The following CHCHD4 variants were observed in gnomAD, a reference collection of about 807,000 sequenced individuals.
The protein encoded by CHCHD4 is coiled-coil-helix-coiled-coil-helix domain containing 4, also known as mitochondrial intermembrane space import and assembly protein 40.
A neutral mutation model predicts 12.4 loss-of-function variants in CHCHD4; 7 were observed. The ratio of observed to expected loss-of-function variants is 0.57; its 90% CI spans 0.32 to 1.06. The LOEUF (loss-of-function observed/expected upper bound fraction) is 1.06, where lower values mean the gene tolerates loss of function less well. Ranked by LOEUF, CHCHD4 falls within the 50% of genes least tolerant of loss-of-function variation. The pLI is 0.04. For synonymous variants in CHCHD4, 56 were observed against 58.0 expected, an observed-to-expected ratio of 0.97 and a Z score of 0.16; for missense variants, 143 against 175.1, an observed-to-expected ratio of 0.82 and a Z score of 1.03.
Position 14,113,183 on chromosome 3 carries a change from G to A in CHCHD4, c.133C>T (p.Pro45Ser). ...DPYEEHGLIL[P>S]NGNINWNCPC... Reference sequence around the variant, plus strand: ...CAGTTCCAGTTAATGTTTCCATTTGGCAGTATCAATCCTAGAACAGGAAGA... The same window carrying A: ...CAGTTCCAGTTAATGTTTCCATTTGACAGTATCAATCCTAGAACAGGAAGA... The change falls in exon 3 of 3, where the codon CCA becomes TCA. Residue 45 changes from proline to serine, a missense_variant. By Grantham distance (74) the Pro-to-Ser change is moderately conservative. Transcript: ENST00000396914. 1.2e-6 allele frequency: 2 copies of A among 1,608,102 alleles called. No individual in the cohort carries two copies. Among genetic ancestry groups the A allele is most frequent in the Non-Finnish European group, 1.7e-6 (2 of 1,176,744 alleles).
chr3:14,115,381 C>A (rs189292694), intron 2 of CHCHD4, among the ~76,000 whole-genome samples: 1 of 137,306 alleles, frequency 7.3e-6, no homozygotes, highest in South Asian at 2.1e-4. Flanking sequence ...AAACAAGGCC[C>A]GATTTGTCCT....
At chr3:14,121,253 G>C (rs1304162967) in intron 1 of CHCHD4, among the ~76,000 whole-genome samples, 1 of 152,190 alleles carries the variant, frequency 6.6e-6, no homozygotes, top group African/African-American at 2.4e-5. Flanking sequence ...CTGGCTGCTT[G>C]TAGTTAGAAG....
In CHCHD4 at chr3:14,112,942, T is replaced by G; in HGVS notation, c.374A>C (p.Glu125Ala). ...AGTGGCCTCAATGGGAGCTGTTTCTTCTGCTTGTTCTGCTGGCTTCTTCTC... is the reference window on the plus strand; with the variant it reads ...AGTGGCCTCAATGGGAGCTGTTTCTGCTGCTTGTTCTGCTGGCTTCTTCTC... ...EREKKPAEQA[E>A]ETAPIEATAT... Residue 125 changes from glutamate (E) to alanine (A), a missense_variant, in exon 3 of 3, where the codon GAA (glutamate) becomes GCA (alanine). By Grantham distance (107) the Glu-to-Ala change is moderately radical. Transcript: ENST00000396914. 2 of 1,612,706 alleles carry G rather than the reference T, an allele frequency of 1.2e-6. No individual in the cohort carries two copies. The highest frequency in any genetic ancestry group is 1.7e-6 in the Non-Finnish European group (2 of 1,179,462).
At position 14,112,568 on chromosome 3, in the gene CHCHD4, A is replaced by G. The variant is rs746085796; in HGVS notation, c.*319T>C. ...ATCAGAATAAATCAGCTCACTCACA[A>G]GAAACGTTCTTGGGTAATGGTTTTT... is the stretch of plus-strand genomic sequence containing the variant. On this transcript the variant is annotated 3_prime_UTR_variant, in exon 3 of 3. Coordinates refer to ENST00000396914, the MANE Select transcript of CHCHD4 (RefSeq NM_001098502.2). 3.6e-5 allele frequency: 9 copies of G among 249,822 alleles called. No homozygotes were observed. Among genetic ancestry groups the G allele is most frequent in the Middle Eastern group, 1.2e-3 (1 of 824 alleles). The allele number at this position is 249,822 out of a possible 1,614,324, so 15.5% of individuals were successfully genotyped here.
At chr3:14,122,909 G>A (rs1694952061) in intron 1 of CHCHD4, among the ~76,000 whole-genome samples, 1 of 152,174 alleles carries the variant, frequency 6.6e-6, no homozygotes, top group South Asian at 2.1e-4. Context: ...AGAGGCTAGA[G>A]GCTGGGCAGC....
At chr3:14,123,391 C>T (rs1167214001) in intron 1 of CHCHD4, among the ~76,000 whole-genome samples, 1 of 152,202 alleles carries the variant, frequency 6.6e-6, no homozygotes, top group Non-Finnish European at 1.5e-5. Context: ...GCTTATGGCA[C>T]ACATTAAGTA....
chr3:14,116,240 G>C (rs1694874721), intron 2 of CHCHD4, among the ~76,000 whole-genome samples, 186 bp downstream of exon 2: 1 of 152,202 alleles, frequency 6.6e-6, no homozygotes, highest in Non-Finnish European at 1.5e-5. Flanking sequence ...ATCAGAACAA[G>C]GCTGGAAAGC....
At position 14,112,998 on chromosome 3, in the gene CHCHD4, G is replaced by A. The variant is rs1311076886; in HGVS notation, c.318C>T (p.Pro106=). ...CCTCTTCCTCATCCTCATCCTCTTGGGGATAGAGGTCTGGGTATTTCTGCA... is the reference window on the plus strand; with the variant it reads ...CCTCTTCCTCATCCTCATCCTCTTGAGGATAGAGGTCTGGGTATTTCTGCA... The part of the protein sequence containing the change: ...ECMQKYPDLY[P]QEDEDEEEER... The change falls in exon 3 of 3, where the codon CCC becomes CCT. Residue 106 remains proline (P), a synonymous_variant. Coordinates refer to ENST00000396914, the MANE Select transcript of CHCHD4 (RefSeq NM_001098502.2). 4 of 1,613,430 alleles carry A rather than the reference G, an allele frequency of 2.5e-6. No individual in the cohort carries two copies. The highest frequency in any genetic ancestry group is 3.4e-6 in the Non-Finnish European group (4 of 1,179,772).
chr3:14,121,146 T>C (rs1005475981), intron 1 of CHCHD4, among the ~76,000 whole-genome samples: 1 of 152,160 alleles, frequency 6.6e-6, no homozygotes, highest in Admixed American at 6.5e-5. Flanking sequence ...CTGGGGCCCA[T>C]TGTATGAGGG....
chr3:14,124,463 C>A (rs3733169), intron 1 of CHCHD4, among the ~76,000 whole-genome samples, 192 bp downstream of exon 1: 137 of 151,924 alleles, frequency 9.0e-4, no homozygotes, highest in Non-Finnish European at 1.8e-4. Context: ...CCGTTCCCCC[C>A]AGAGCTTCGG....
At chr3:14,117,951 G>A (rs1694893394) in intron 1 of CHCHD4, among the ~76,000 whole-genome samples, 1 of 152,190 alleles carries the variant, frequency 6.6e-6, no homozygotes, top group African/African-American at 2.4e-5. Flanking sequence ...CTGAGAGCTT[G>A]TGCACCTTGG....
chr3:14,123,136 T>C (rs1448239210), intron 1 of CHCHD4, among the ~76,000 whole-genome samples: 1 of 150,314 alleles, frequency 6.7e-6, no homozygotes, highest in Non-Finnish European at 1.5e-5. Flanking sequence ...CTTTCAATTC[T>C]CACTCCTCTC....
At chr3:14,116,318 T>C (rs934363072) in intron 2 of CHCHD4, 108 bp downstream of exon 2, 41 of 799,808 alleles carry the variant, frequency 5.1e-5, no homozygotes, top group Non-Finnish European at 7.7e-5. Context: ...TGAGAATAGA[T>C]ACCTGAAAAC....
In CHCHD4 at chr3:14,113,205, A is replaced by G; in HGVS notation, c.122-11T>C. 4.4e-6 allele frequency: 7 copies of G among 1,587,710 alleles called. No homozygotes were observed. The highest frequency in any genetic ancestry group is 6.0e-6 in the Non-Finnish European group (7 of 1,165,110). On this transcript the variant is annotated splice_polypyrimidine_tract_variant and intron_variant, in intron 2 of 2. Coordinates refer to ENST00000396914, the MANE Select transcript of CHCHD4 (RefSeq NM_001098502.2). ...TTGGCAGTATCAATCCTAGAACAGG[A>G]AGATAGAGAGATGTTCTCTAAAGTT...
At chr3:14,120,525 G>A (rs1694922527) in intron 1 of CHCHD4, among the ~76,000 whole-genome samples, 1 of 152,042 alleles carries the variant, frequency 6.6e-6, no homozygotes, top group African/African-American at 2.4e-5. Context: ...TTCACCTCCT[G>A]CTCAGATGCC....
intron 1 of CHCHD4, among the ~76,000 whole-genome samples, chr3:14,118,482 AGGAC>A (rs1379371146): frequency 1.3e-5 from 2 of 152,248 alleles, no homozygotes; most frequent in Non-Finnish European, 2.9e-5. Flanking sequence ...TCCAGTGAGA[AGGAC>A]AGTTCAGGGG....
chr3:14,116,869 G>A (rs1400859478), intron 1 of CHCHD4, among the ~76,000 whole-genome samples: 1 of 152,194 alleles, frequency 6.6e-6, no homozygotes, highest in Non-Finnish European at 1.5e-5. Flanking sequence ...TAGCTGATGC[G>A]GCCACAGGCC....
At chr3:14,123,421 T>C (rs546014300) in intron 1 of CHCHD4, among the ~76,000 whole-genome samples, 2 of 152,296 alleles carry the variant, frequency 1.3e-5, no homozygotes, top group East Asian at 3.9e-4. Context: ...GGAAATATAA[T>C]AGTACTCATT....
chr3:14,113,304 G>T, intron 2 of CHCHD4, 110 bp from the exon 3 acceptor site: 2 of 862,106 alleles, frequency 2.3e-6, no homozygotes, highest in Non-Finnish European at 3.6e-6. Context: ...TGTTGCCTAT[G>T]GACCCACACC....
Sources: gnomAD v4.1 joint callset for allele counts (sites outside exome capture counted in the v4.1 genomes callset) on GRCh38, gnomAD v4.1.1 for gene constraint, MANE v1.5 for transcripts, NCBI Gene and HGNC (gene_info 2026-07-23, HGNC 2026-07-21) for gene names.